Variants in LOC400499 observed in about 807,000 individuals in gnomAD.
chr16:11,500,191 T>C, the LOC400499 span, among the ~76,000 whole-genome samples: 3 of 152,142 alleles, frequency 2.0e-5, no homozygotes. Context: ...AGGATAGAGG[T>C]ACCACTGCCA....
chr16:11,440,613 C>T, the LOC400499 span: 3 of 397,796 alleles, frequency 7.5e-6, no homozygotes, highest in African/African-American at 4.1e-5. Flanking sequence ...TGTTGGCTCC[C>T]CAGGGTCATG....
At chr16:11,513,406 C>CAAAAACA in the LOC400499 span, among the ~76,000 whole-genome samples, 1 of 126,944 alleles carries the variant, frequency 7.9e-6, no homozygotes, top group Non-Finnish European at 1.6e-5. Context: ...ACTGTGTCTC[C>CAAAAACA]AAAAAAAAAA....
chr16:11,502,617 CTT>C, the LOC400499 span, among the ~76,000 whole-genome samples: 11 of 143,118 alleles, frequency 7.7e-5, no homozygotes, highest in Admixed American at 2.1e-4. Context: ...TATACATACT[CTT>C]TTTTTTTTTT....
chr16:11,445,070 CAG>C, the LOC400499 span, among the ~76,000 whole-genome samples: 1 of 142,718 alleles, frequency 7.0e-6, no homozygotes, highest in Admixed American at 7.3e-5. Flanking sequence ...GCCTGGGTGA[CAG>C]AGTGAGACTT....
At chr16:11,477,047 C>G in the LOC400499 span, 2 of 399,990 alleles carry the variant, frequency 5.0e-6, no homozygotes, top group Admixed American at 4.4e-5. Flanking sequence ...CCACAGCAGC[C>G]CCTCCACCAC....
At chr16:11,462,157 TGCG>T in the LOC400499 span, 1 of 1,531,620 alleles carries the variant, frequency 6.5e-7, no homozygotes, top group East Asian at 2.5e-5. Flanking sequence ...GGCTCAGCGA[TGCG>T]GAGAAGGCCA....
At chr16:11,478,932 T>C in the LOC400499 span, among the ~76,000 whole-genome samples, 2 of 151,968 alleles carry the variant, frequency 1.3e-5, no homozygotes, top group African/African-American at 4.9e-5. Flanking sequence ...AAGCTCTTTC[T>C]TTGTCTGCTG....
chr16:11,450,879 G>C, the LOC400499 span: 3 of 1,448,576 alleles, frequency 2.1e-6, no homozygotes, highest in Non-Finnish European at 2.8e-6. Flanking sequence ...CTTCTAGCAG[G>C]CAGCTGGAGG....
At chr16:11,387,166 G>C in the LOC400499 span, 1 of 1,232,232 alleles carries the variant, frequency 8.1e-7, no homozygotes, top group Non-Finnish European at 1.0e-6. Context: ...CAGCCAGCAC[G>C]TTGGCCCCAG....
chr16:11,456,536 T>C, the LOC400499 span, among the ~76,000 whole-genome samples: 1 of 151,926 alleles, frequency 6.6e-6, no homozygotes, highest in African/African-American at 2.4e-5. Flanking sequence ...CTGGCAAAGG[T>C]AAGAAGTTAC....
the LOC400499 span, among the ~76,000 whole-genome samples, chr16:11,409,076 C>A: frequency 2.0e-5 from 3 of 151,892 alleles, no homozygotes; most frequent in East Asian, 5.8e-4. Flanking sequence ...GCCCGGCCAA[C>A]GTGGCGAAAC....
At chr16:11,426,498 T>C in the LOC400499 span, among the ~76,000 whole-genome samples, 1 of 152,076 alleles carries the variant, frequency 6.6e-6, no homozygotes, top group Admixed American at 6.5e-5. Context: ...TTAAAATTAT[T>C]TGTGGAAATT....
At chr16:11,403,436 C>T in the LOC400499 span, among the ~76,000 whole-genome samples, 2,798 of 152,242 alleles carry the variant, frequency 0.018, 98 homozygotes, top group African/African-American at 0.062. Flanking sequence ...CATGCACACA[C>T]GTGCATGTAT....
At chr16:11,418,351 G>C in the LOC400499 span, among the ~76,000 whole-genome samples, 2,393 of 152,250 alleles carry the variant, frequency 0.016, 58 homozygotes, top group African/African-American at 0.055. Context: ...TAGGAGGTCA[G>C]CACAAGATAC....
the LOC400499 span, among the ~76,000 whole-genome samples, chr16:11,429,179 G>C: frequency 6.6e-6 from 1 of 152,122 alleles, no homozygotes; most frequent in African/African-American, 2.4e-5. Flanking sequence ...GGTTGGCCTG[G>C]GAGCGGATTT....
At chr16:11,391,710 T>C in the LOC400499 span, 1 of 1,232,120 alleles carries the variant, frequency 8.1e-7, no homozygotes. Flanking sequence ...CTGCAGCCAC[T>C]CCAGGTAAAG....
chr16:11,515,745 A>AAAAGGGAGGAGGAGGAGGG, the LOC400499 span, among the ~76,000 whole-genome samples: 2 of 148,958 alleles, frequency 1.3e-5, no homozygotes, highest in Non-Finnish European at 3.0e-5. Context: ...GAGGAGGAGG[A>AAAAGGGAGGAGGAGGAGGG]AAAGGGAGGA....
chr16:11,402,523 C>T, the LOC400499 span, among the ~76,000 whole-genome samples: 4 of 152,316 alleles, frequency 2.6e-5, no homozygotes, highest in East Asian at 7.7e-4. Context: ...GGAGGCCTCA[C>T]CCCGCTTCCT....
At chr16:11,418,991 C>T in the LOC400499 span, among the ~76,000 whole-genome samples, 260 of 152,220 alleles carry the variant, frequency 1.7e-3, no homozygotes, top group African/African-American at 5.4e-3. Flanking sequence ...CAAGGCAAAA[C>T]CCCGTCTCTA....
Sources: gnomAD v4.1 joint callset for allele counts (sites outside exome capture counted in the v4.1 genomes callset) on GRCh38, gnomAD v4.1.1 for gene constraint, MANE v1.5 for transcripts.